NSF: variants seen among roughly 807,000 people sequenced by gnomAD.
The protein encoded by NSF is vesicle-fusing ATPase.
In NSF, 14 loss-of-function variants were observed where a neutral mutation model predicts 50.3. That is an observed-to-expected ratio of 0.28 (90% confidence interval 0.18 to 0.44). The LOEUF is 0.44. NSF is among the 20% of genes least tolerant of loss of function. The pLI is 1.00. For synonymous variants in NSF, 109 were observed against 175.7 expected, an observed-to-expected ratio of 0.62 and a Z score of 3.00; for missense variants, 218 against 504.3, an observed-to-expected ratio of 0.43 and a Z score of 5.44.
At chr17:46,732,362 C>T (rs1184344377) in intron 17 of NSF, among the ~76,000 whole-genome samples, 1 of 151,440 alleles carries the variant, frequency 6.6e-6, no homozygotes, top group East Asian at 1.9e-4. Flanking sequence ...CCCCCACCAC[C>T]CCCTCCCTTC....
chr17:46,734,193 A>G (rs984762670), intron 17 of NSF, among the ~76,000 whole-genome samples: 1 of 152,228 alleles, frequency 6.6e-6, no homozygotes, highest in Non-Finnish European at 1.5e-5. Context: ...TAAGCAGATA[A>G]TGGAAGAGAC....
At chr17:46,610,099 T>TTCTCTCTCTC (rs369452486) in intron 1 of NSF, among the ~76,000 whole-genome samples, 1 of 89,432 alleles carries the variant, frequency 1.1e-5, no homozygotes, top group African/African-American at 4.4e-5. Context: ...TTTTCTCTCT[T>TTCTCTCTCTC]TCTCTCTCTC....
At chr17:46,622,773 A>G (rs952232078) in intron 1 of NSF, among the ~76,000 whole-genome samples, 12 of 150,186 alleles carry the variant, frequency 8.0e-5, no homozygotes, top group Admixed American at 2.6e-4. Context: ...ACTGTGTCAA[A>G]AAACAAAACA....
At chr17:46,738,951 A>G (rs2059037484) in intron 17 of NSF, among the ~76,000 whole-genome samples, 1 of 150,426 alleles carries the variant, frequency 6.6e-6, no homozygotes, top group Non-Finnish European at 1.5e-5. Context: ...AAAATACAAA[A>G]AAGTCCAGGC....
intron 20 of NSF, 80 bp from the exon 21 acceptor site, chr17:46,755,722 A>ATTTTTTTT (rs71138549): frequency 1.0e-6 from 1 of 956,986 alleles, no homozygotes; most frequent in Non-Finnish European, 1.5e-6. Flanking sequence ...GCTTTTAGTG[A>ATTTTTTTT]TTTTTTTTTT....
At chr17:46,723,607 A>T (rs1413151818) in intron 15 of NSF, among the ~76,000 whole-genome samples, 1 of 152,184 alleles carries the variant, frequency 6.6e-6, no homozygotes, top group African/African-American at 2.4e-5. Flanking sequence ...TGTACTCATG[A>T]TCCATTTTCA....
chr17:46,614,278 TTAG>T (rs1273300879), intron 1 of NSF, among the ~76,000 whole-genome samples: 13 of 138,226 alleles, frequency 9.4e-5, no homozygotes, highest in Admixed American at 7.5e-4. Context: ...TGCAGTAGAC[TTAG>T]TAGACTCTTG....
chr17:46,722,019 CCTTGGCTGCCGTAATATTCAG>C (rs2146283472), intron 15 of NSF: 1 of 1,609,172 alleles, frequency 6.2e-7, no homozygotes, highest in East Asian at 2.2e-5. Context: ...ACTTCAGTTT[CCTTGGCTGCCGTAATATTCAG>C]CTCCCTGAGC....
At chr17:46,685,397 T>C (rs1789850636) in intron 9 of NSF, among the ~76,000 whole-genome samples, 2 of 151,640 alleles carry the variant, frequency 1.3e-5, no homozygotes, top group Admixed American at 1.3e-4. Context: ...AATGACCTCA[T>C]GCAGGATATA....
At chr17:46,723,324 T>C (rs1423280757) in intron 15 of NSF, among the ~76,000 whole-genome samples, 2 of 152,216 alleles carry the variant, frequency 1.3e-5, no homozygotes, top group Admixed American at 6.5e-5. Flanking sequence ...GAAAAATGTT[T>C]TGAAAAGCAA....
intron 17 of NSF, among the ~76,000 whole-genome samples, chr17:46,737,572 CGTGTGT>C (rs10564190): frequency 6.8e-3 from 1,002 of 147,112 alleles, no homozygotes; most frequent in Non-Finnish European, 8.7e-3. Flanking sequence ...GGTGTGTGTG[CGTGTGT>C]GTGTGTGTGT....
Position 46,751,571 on chromosome 17 carries a change from G to T in NSF, c.2112G>T (p.Trp704Cys). ...IAQQVKGKKV[W>C]IGIKKLLMLI... ...AGCAAGTCAAAGGGAAGAAGGTCTG[G>T]ATAGGAATCAAGAAGTTACTAATGC... is the stretch of plus-strand genomic sequence containing the variant. Residue 704 changes from tryptophan to cysteine, a missense_variant, in exon 19 of 21, where the codon TGG (tryptophan) becomes TGT (cysteine). Trp to Cys is a radical substitution (Grantham distance 215). Around this residue, in one of 2 missense-constraint regions of NSF, gnomAD observed 209 missense variants for 320.9 expected, o/e 0.65. Coordinates refer to ENST00000398238, the MANE Select transcript of NSF (RefSeq NM_006178.4). 1 of 1,614,076 alleles carries T rather than the reference G, an allele frequency of 6.2e-7. No homozygotes were observed. Among genetic ancestry groups the T allele is most frequent in the Non-Finnish European group, 8.5e-7 (1 of 1,179,968 alleles).
At chr17:46,722,156 C>G in intron 15 of NSF, 1 of 1,611,770 alleles carries the variant, frequency 6.2e-7, no homozygotes, top group Non-Finnish European at 8.5e-7. Flanking sequence ...TCTTGGCGCT[C>G]GAACTGAACA....
intron 8 of NSF, among the ~76,000 whole-genome samples, chr17:46,649,463 G>A (rs2058242810): frequency 6.6e-6 from 1 of 152,078 alleles, no homozygotes. Flanking sequence ...GAGGAACTGG[G>A]CGTGAATTTG....
intron 19 of NSF, among the ~76,000 whole-genome samples, chr17:46,754,152 T>TTC (rs2059210780): frequency 6.6e-6 from 1 of 150,760 alleles, no homozygotes; most frequent in South Asian, 2.1e-4. Context: ...GCCAGTTCTT[T>TTC]TTTTTTTTTT....
intron 17 of NSF, among the ~76,000 whole-genome samples, chr17:46,730,725 GTTTATA>G (rs1286660730): frequency 1.3e-5 from 2 of 152,096 alleles, no homozygotes; most frequent in Admixed American, 6.6e-5. Context: ...TATTGCTGGA[GTTTATA>G]TTTAGACAGG....
At chr17:46,742,565 A>C (rs1568058179) in intron 17 of NSF, among the ~76,000 whole-genome samples, 1 of 152,210 alleles carries the variant, frequency 6.6e-6, no homozygotes, top group Non-Finnish European at 1.5e-5. Context: ...GGGAAAGGGC[A>C]GGATAAGGGT....
chr17:46,724,150 T>A (rs1275148771), intron 15 of NSF, among the ~76,000 whole-genome samples: 1 of 152,190 alleles, frequency 6.6e-6, no homozygotes, highest in African/African-American at 2.4e-5. Flanking sequence ...CTTCCACCCT[T>A]TCCACTGGTT....
intron 17 of NSF, 39 bp from the exon 18 acceptor site, chr17:46,749,734 T>C (rs1488080406): frequency 6.3e-7 from 1 of 1,580,488 alleles, no homozygotes; most frequent in African/African-American, 1.4e-5. Flanking sequence ...TAATTAGTCT[T>C]ATTATGTACA....
Sources: gnomAD v4.1 joint callset for allele counts (sites outside exome capture counted in the v4.1 genomes callset) on GRCh38, gnomAD v4.1.1 for gene constraint, gnomAD v4.1.1 regional missense constraint, MANE v1.5 for transcripts, NCBI Gene and HGNC (gene_info 2026-07-23, HGNC 2026-07-21) for gene names.